Variants in CYREN observed in about 807,000 individuals in gnomAD.
The protein encoded by CYREN is cell cycle regulator of NHEJ.
CYREN carries 7 observed loss-of-function variants against 9.7 expected under a neutral mutation model. The ratio of observed to expected loss-of-function variants is 0.72; its 90% CI spans 0.41 to 1.36. The LOEUF is 1.36. Among genes scored for constraint, CYREN ranks in the 40% most tolerant of loss-of-function variants. The pLI is 0.01. For synonymous variants in CYREN, 76 were observed against 77.9 expected, an observed-to-expected ratio of 0.98 and a Z score of 0.13; for missense variants, 215 against 198.1, an observed-to-expected ratio of 1.09 and a Z score of -0.51.
At chr7:135,111,305 A>G (rs575656698) in intron 2 of CYREN, among the ~76,000 whole-genome samples, 1 of 152,156 alleles carries the variant, frequency 6.6e-6, no homozygotes, top group Non-Finnish European at 1.5e-5. Context: ...AATATAGCCA[A>G]CATTCATTAC....
At chr7:135,101,673 C>T (rs1823846962) in intron 2 of CYREN, among the ~76,000 whole-genome samples, 1 of 152,138 alleles carries the variant, frequency 6.6e-6, no homozygotes, top group African/African-American at 2.4e-5. Context: ...TGGCCCTTAA[C>T]TAATTGAAGA....
At chr7:135,116,600 G>T (rs1386974490) in intron 2 of CYREN, among the ~76,000 whole-genome samples, 2 of 152,116 alleles carry the variant, frequency 1.3e-5, no homozygotes, top group Non-Finnish European at 2.9e-5. Flanking sequence ...TGACACCCTG[G>T]GGGAGGAGAG....
intron 2 of CYREN, among the ~76,000 whole-genome samples, chr7:135,096,429 AAG>A (rs1020984109): frequency 1.3e-5 from 2 of 151,654 alleles, no homozygotes; most frequent in African/African-American, 4.8e-5. Flanking sequence ...GAAAGAAAGA[AAG>A]AGATATATAT....
chr7:135,101,415 C>A, intron 2 of CYREN: 2 of 337,718 alleles, frequency 5.9e-6, no homozygotes, highest in South Asian at 4.8e-5. Context: ...CTATTTTAGT[C>A]CTGTCTGTGA....
intron 2 of CYREN, among the ~76,000 whole-genome samples, chr7:135,104,245 T>C (rs10244227): frequency 0.054 from 8,263 of 152,278 alleles, 298 homozygotes; most frequent in Middle Eastern, 0.18. Flanking sequence ...TAGGACATGA[T>C]CTCATTATTT....
intron 2 of CYREN, among the ~76,000 whole-genome samples, chr7:135,112,219 C>T (rs905863136): frequency 1.1e-4 from 16 of 152,206 alleles, no homozygotes; most frequent in South Asian, 2.1e-4. Flanking sequence ...TAATTTGTCT[C>T]CCTGCCTTGT....
chr7:135,101,164 T>A (rs1330226506), intron 2 of CYREN: 2 of 455,636 alleles, frequency 4.4e-6, no homozygotes, highest in South Asian at 1.6e-5. Context: ...AGGAAAAAAA[T>A]TCCCCTCAAG....
intron 2 of CYREN, among the ~76,000 whole-genome samples, chr7:135,133,800 G>A (rs952716163): frequency 6.6e-6 from 1 of 152,026 alleles, no homozygotes; most frequent in African/African-American, 2.4e-5. Flanking sequence ...CTATTTATAA[G>A]AGCCATAAAC....
At chr7:135,096,787 G>GAAAGAAAGAAAGAAAT (rs1822961058) in intron 2 of CYREN, among the ~76,000 whole-genome samples, 1 of 147,052 alleles carries the variant, frequency 6.8e-6, no homozygotes, top group African/African-American at 2.5e-5. Context: ...AAGAAAGAAA[G>GAAAGAAAGAAAGAAAT]AAAGAAAAAG....
downstream of CYREN, among the ~76,000 whole-genome samples, chr7:135,161,247 G>C (rs1829929124): frequency 6.6e-6 from 1 of 152,238 alleles, no homozygotes. This position sits in a 1 kb window ranked among gnomAD's most constrained non-coding sequence, Gnocchi z 4.1. Context: ...GCGTCTGGCA[G>C]GAGCTGCCGC....
chr7:135,102,702 A>G (rs748894753), intron 2 of CYREN, among the ~76,000 whole-genome samples: 5 of 151,094 alleles, frequency 3.3e-5, no homozygotes, highest in African/African-American at 7.3e-5. Context: ...ATGATCATCT[A>G]TTTGGCTCTT....
intron 2 of CYREN, chr7:135,135,333 G>A (rs1829297484): frequency 3.0e-6 from 4 of 1,314,378 alleles, no homozygotes; most frequent in Admixed American, 3.1e-5. Context: ...AGAAAAAAAG[G>A]AAAGCCCTCC....
chr7:135,129,135 T>A, intron 2 of CYREN: 1 of 1,517,640 alleles, frequency 6.6e-7, no homozygotes, highest in Non-Finnish European at 9.2e-7. Flanking sequence ...GTTATTTGCC[T>A]ATTATGACTG....
At chr7:135,111,227 G>T (rs1807696313) in intron 2 of CYREN, among the ~76,000 whole-genome samples, 2 of 152,138 alleles carry the variant, frequency 1.3e-5, no homozygotes, top group Non-Finnish European at 2.9e-5. Context: ...CAGTGCTCTA[G>T]ATCCCATGTC....
At chr7:135,095,562 A>G (rs924328354) in intron 2 of CYREN, among the ~76,000 whole-genome samples, 18 of 152,326 alleles carry the variant, frequency 1.2e-4, no homozygotes, top group African/African-American at 3.8e-4. Flanking sequence ...CTGTCCTGTG[A>G]CCAACAAAAG....
chr7:135,100,766 T>C (rs1288074424), intron 2 of CYREN, among the ~76,000 whole-genome samples: 2 of 152,206 alleles, frequency 1.3e-5, no homozygotes, highest in Non-Finnish European at 2.9e-5. Flanking sequence ...TAAAATGATA[T>C]ATCAAGACAA....
intron 2 of CYREN, among the ~76,000 whole-genome samples, chr7:135,146,776 C>G (rs1472153051): frequency 6.6e-6 from 1 of 151,974 alleles, no homozygotes; most frequent in Non-Finnish European, 1.5e-5. Flanking sequence ...GAGGTAAATG[C>G]CTAAAGAATG....
At chr7:135,161,344 T>C (rs948578528), downstream of CYREN, among the ~76,000 whole-genome samples, 9 of 152,232 alleles carry the variant, frequency 5.9e-5, no homozygotes, top group African/African-American at 2.2e-4. This position sits in a 1 kb window ranked among gnomAD's most constrained non-coding sequence, Gnocchi z 4.1. Context: ...ATAATTTTTT[T>C]TGGAACCCCA....
chr7:135,133,786 A>G (rs1290097683), intron 2 of CYREN, among the ~76,000 whole-genome samples: 1 of 152,202 alleles, frequency 6.6e-6, no homozygotes, highest in Non-Finnish European at 1.5e-5. Context: ...ACCTGTGTGT[A>G]TAACTATTTA....
Sources: allele counts gnomAD v4.1 joint callset (sites outside exome capture counted in the v4.1 genomes callset), GRCh38; gene constraint gnomAD v4.1.1; non-coding constraint Gnocchi (gnomAD v3.1); transcripts MANE v1.5; gene names NCBI Gene and HGNC (gene_info 2026-07-23, HGNC 2026-07-21).